The following CLASP2 variants were observed in gnomAD, a reference collection of about 807,000 sequenced individuals.
The protein encoded by CLASP2 is CLIP-associating protein 2.
A neutral mutation model predicts 194.4 loss-of-function variants in CLASP2; 47 were observed. The observed-to-expected ratio is 0.24, with a 90% CI of 0.19 to 0.31. CLASP2 has a LOEUF of 0.31. Among genes scored for constraint, CLASP2 ranks in the 10% least tolerant of loss-of-function variants. The pLI is 1.00. For missense variants in CLASP2, 1,445 were observed against 1,823.6 expected (o/e 0.79, Z 3.78); for synonymous variants, 619 against 633.5 (o/e 0.98, Z 0.34).
intron 3 of CLASP2, among the ~76,000 whole-genome samples, chr3:33,689,049 T>C (rs960590602): frequency 6.6e-6 from 1 of 152,090 alleles, no homozygotes; most frequent in African/African-American, 2.4e-5. Flanking sequence ...CTTTACTAAA[T>C]TCAAATATAC....
chr3:33,660,765 G>C (rs889381545), intron 7 of CLASP2, among the ~76,000 whole-genome samples: 1 of 152,172 alleles, frequency 6.6e-6, no homozygotes, highest in African/African-American at 2.4e-5. Flanking sequence ...ACAGCTCTTT[G>C]TGTGCATGAA....
At chr3:33,680,447 TAGCG>T (rs1307000760) in intron 6 of CLASP2, among the ~76,000 whole-genome samples, 1 of 152,210 alleles carries the variant, frequency 6.6e-6, no homozygotes, top group Non-Finnish European at 1.5e-5. Flanking sequence ...TAGGCATGTA[TAGCG>T]ACAGAGTATA....
At chr3:33,546,793 C>T (rs1019059146) in intron 30 of CLASP2, among the ~76,000 whole-genome samples, 1 of 152,146 alleles carries the variant, frequency 6.6e-6, no homozygotes, top group East Asian at 1.9e-4. Flanking sequence ...AATCATATTA[C>T]TCTGTGAGTT....
rs543294943 is a variant in CLASP2 at position 33,718,102 on chromosome 3, CACTT to C, written c.-104_-101del. ...GGTCCCCGCGGGAGCGGGCGGGACT[CACTT>C]AGCCCGCCAGGGGCGCGGCTTGCGG... is the stretch of plus-strand genomic sequence containing the variant. On this transcript the variant is annotated 5_prime_UTR_variant, in exon 1 of 39. Coordinates refer to ENST00000682230, the MANE Select transcript of CLASP2 (RefSeq NM_001365631.1). 1.7e-3 allele frequency: 2,084 copies of C among 1,241,646 alleles called. 35 individuals carry two copies. In the African/African-American group the frequency reaches 0.03, roughly 18 times the overall value. The allele number at this position is 1,241,646 out of a possible 1,614,324, so 76.9% of individuals were successfully genotyped here.
At chr3:33,601,193 T>C (rs2072076662) in intron 18 of CLASP2, among the ~76,000 whole-genome samples, 1 of 151,974 alleles carries the variant, frequency 6.6e-6, no homozygotes, top group Non-Finnish European at 1.5e-5. Flanking sequence ...ATCTCCTGAC[T>C]TCGTGATCCA....
intron 1 of CLASP2, among the ~76,000 whole-genome samples, chr3:33,708,502 ATAT>A (rs2092817695): frequency 1.3e-5 from 1 of 79,988 alleles, no homozygotes; most frequent in South Asian, 3.8e-4. Context: ...ATATATATAT[ATAT>A]GTATATATAT....
Position 33,717,898 on chromosome 3 carries a change from G to C in CLASP2, c.105C>G (p.Pro35=), listed in dbSNP as rs115396290. The stretch of plus-strand genomic sequence containing the variant: ...CCTCCTCCAGGTCCGAGATGGCGCC[G>C]GGGGCGCCAAGGTAGAGCAGGAGCT... ...GQELLLYLGA[P]GAISDLEEDL... The change falls in exon 1 of 39, where the codon CCC becomes CCG. Residue 35 remains proline (P), a synonymous_variant. Coordinates refer to ENST00000682230, the MANE Select transcript of CLASP2 (RefSeq NM_001365631.1). The C allele has an allele frequency of 0.01, 16,330 of 1,555,316 alleles. 198 individuals are homozygous for C. Among genetic ancestry groups the C allele is most frequent in the African/African-American group, 0.046 (3,410 of 73,468 alleles).
Position 33,717,853 on chromosome 3 carries a change from C to G in CLASP2, c.150G>C (p.Lys50Asn). 6.4e-7 allele frequency: 1 copy of G among 1,565,442 alleles called. No homozygotes were observed. The stretch of plus-strand genomic sequence containing the variant: ...CCCAGCCGGTGAGCGCGTCGACTGT[C>G]TTGCCTAGGCGGCCCAGGTCCTCCT... ...DLEEDLGRLG[K>N]TVDALTGWVG... The change falls in exon 1 of 39, where the codon AAG becomes AAC. Residue 50 changes from lysine to asparagine, a missense_variant. Around this residue, in one of 4 missense-constraint regions of CLASP2, gnomAD observed 332 missense variants for 325.3 expected, o/e 1.02. Coordinates refer to ENST00000682230, the MANE Select transcript of CLASP2 (RefSeq NM_001365631.1).
chr3:33,634,044 T>C lies in CLASP2; in HGVS notation c.863-1673A>G, dbSNP rs72858338. Among the ~76,000 whole-genome samples, 1,491 of 152,204 alleles carry C rather than the reference T, an allele frequency of 9.8e-3. 25 individuals carry two copies. The highest frequency in any genetic ancestry group is 0.034 in the African/African-American group (1,422 of 41,516). On this transcript the variant is annotated intron_variant, in intron 8 of 38. Coordinates refer to ENST00000682230, the MANE Select transcript of CLASP2 (RefSeq NM_001365631.1). ...AGATAAATAAAAAGAAATCCAAACT[T>C]AGAACTTGGCGGTGTAACTGCACAA... is the stretch of plus-strand genomic sequence containing the variant.
At chr3:33,545,951 A>G (rs1422070067) in intron 30 of CLASP2, among the ~76,000 whole-genome samples, 1 of 152,154 alleles carries the variant, frequency 6.6e-6, no homozygotes, top group African/African-American at 2.4e-5. Context: ...TTTGTTAAAA[A>G]CAAAGAAGTG....
intron 1 of CLASP2, among the ~76,000 whole-genome samples, chr3:33,717,244 T>G (rs1304175961): frequency 6.6e-6 from 1 of 152,160 alleles, no homozygotes; most frequent in Non-Finnish European, 1.5e-5. Flanking sequence ...TTCACTGATT[T>G]TTTTTTCAAA....
chr3:33,635,913 T>C (rs1292466388), intron 8 of CLASP2, among the ~76,000 whole-genome samples: 1 of 152,158 alleles, frequency 6.6e-6, no homozygotes, highest in Non-Finnish European at 1.5e-5. Context: ...TCAAATTTCA[T>C]TTCAAGTAAT....
chr3:33,511,508 T>C (rs750005097), intron 36 of CLASP2, among the ~76,000 whole-genome samples: 1 of 152,254 alleles, frequency 6.6e-6, no homozygotes, highest in South Asian at 2.1e-4. Flanking sequence ...ATCACATTAA[T>C]GAGAAATAAA....
Position 33,604,313 on chromosome 3 carries a change from CT to C in CLASP2, c.1695-105del, listed in dbSNP as rs1204879012. The C allele has an allele frequency of 1.2e-5, 8 of 677,270 alleles. No homozygotes were observed. In the Admixed American group the frequency reaches 1.4e-4, roughly 12 times the overall value. The allele number at this position is 677,270 out of a possible 1,614,324, so 42.0% of individuals were successfully genotyped here. ...TTTTGTGGAAAGTTGAGAAGTATTTCTTTTTTCTTTTTTTTTTTTTTTGAGA... is the reference window on the plus strand; with the variant it reads ...TTTTGTGGAAAGTTGAGAAGTATTTCTTTTTCTTTTTTTTTTTTTTTGAGA... On this transcript the variant is annotated intron_variant, in intron 16 of 38. Transcript: ENST00000682230.
chr3:33,574,848 T>C (rs2064500730), intron 24 of CLASP2, among the ~76,000 whole-genome samples: 1 of 152,150 alleles, frequency 6.6e-6, no homozygotes, highest in African/African-American at 2.4e-5. Context: ...TTCCTAAAAA[T>C]TGGTAGTTGT....
chr3:33,679,993 G>C (rs1245755796), intron 6 of CLASP2, among the ~76,000 whole-genome samples: 1 of 152,172 alleles, frequency 6.6e-6, no homozygotes, highest in African/African-American at 2.4e-5. Flanking sequence ...ATGTCCCACA[G>C]TAGAATGGAA....
intron 33 of CLASP2, among the ~76,000 whole-genome samples, chr3:33,537,901 G>C (rs2057664965): frequency 6.6e-6 from 1 of 152,092 alleles, no homozygotes; most frequent in African/African-American, 2.4e-5. Flanking sequence ...CAGCACTTTG[G>C]GAGGCCGAGG....
At chr3:33,529,955 G>A (rs932472715) in intron 34 of CLASP2, among the ~76,000 whole-genome samples, 6 of 147,632 alleles carry the variant, frequency 4.1e-5, no homozygotes, top group Non-Finnish European at 8.9e-5. Flanking sequence ...TCCGCAGTCC[G>A]GGCTGGGCGA....
At chr3:33,715,069 T>A (rs1037675008) in intron 1 of CLASP2, among the ~76,000 whole-genome samples, 1 of 152,214 alleles carries the variant, frequency 6.6e-6, no homozygotes, top group Non-Finnish European at 1.5e-5. Context: ...TGGCTTTATG[T>A]TCCTCAACAA....
Sources: allele counts gnomAD v4.1 joint callset (sites outside exome capture counted in the v4.1 genomes callset), GRCh38; gene constraint gnomAD v4.1.1; regional missense constraint gnomAD v4.1.1; transcripts MANE v1.5; gene names NCBI Gene and HGNC (gene_info 2026-07-23, HGNC 2026-07-21).